The following KDM1A variants were observed in gnomAD, a reference collection of about 807,000 sequenced individuals.
KDM1A encodes lysine demethylase 1A.
Under a neutral mutation model 109.4 loss-of-function variants are expected in KDM1A, and 49 were observed. The observed-to-expected ratio is 0.45, with a 90% CI of 0.36 to 0.57. KDM1A has a LOEUF of 0.57. Ranked by LOEUF, KDM1A falls within the 20% of genes least tolerant of loss-of-function variation. The probability of loss-of-function intolerance (pLI) is 0.00; values close to 1 mark genes in which losing one functional copy is unlikely to be tolerated. For synonymous variants in KDM1A, 380 were observed against 415.4 expected (o/e 0.91, Z 1.04); for missense variants, 668 against 1,116.6 (o/e 0.60, Z 5.73).
chr1:23,053,847 G>A lies in KDM1A; in HGVS notation c.790+8G>A, dbSNP rs748454085. 3 of 1,502,184 alleles carry A rather than the reference G, an allele frequency of 2.0e-6. No individual in the cohort carries two copies. The South Asian group carries it at 3.4e-5, about 17-fold the overall frequency. 93.1% of individuals were successfully genotyped at this position (1,502,184 alleles called of 1,614,324 possible). A position where few individuals can be genotyped will look rare whatever the true frequency, so the allele number is the denominator to read the frequency against. ...TAGAAGCACCTTATAACAGTAAGTA[G>A]TGTGTTCAATAGGACTAATTTGTAC... On this transcript the variant is annotated splice_region_variant and intron_variant, in intron 5 of 20. Transcript: ENST00000400181.
chr1:23,073,205 C>CA (rs1346529171), intron 14 of KDM1A, 87 bp from the exon 15 acceptor site: 2 of 725,424 alleles, frequency 2.8e-6, no homozygotes, highest in Middle Eastern at 5.5e-4. Flanking sequence ...GGCTTAGGTT[C>CA]TGACACAGTT....
At chr1:23,078,106 C>T (rs2124541384) in intron 16 of KDM1A, among the ~76,000 whole-genome samples, 1 of 152,330 alleles carries the variant, frequency 6.6e-6, no homozygotes, top group Middle Eastern at 3.4e-3. Context: ...AGCCATCAAT[C>T]TTACCCTGCG....
rs181728260 is a variant in KDM1A, at chr1:23,036,546, G to A, written c.517+5912G>A. On this transcript the variant is annotated intron_variant, in intron 2 of 20. Coordinates refer to ENST00000400181, the MANE Select transcript of KDM1A (RefSeq NM_001009999.3). ...CCAAAATACCTTACTGGAGGGCTGAGGGAAGAAAGTGACAAGCTGAAAAGG... is the reference window on the plus strand; with the variant it reads ...CCAAAATACCTTACTGGAGGGCTGAAGGAAGAAAGTGACAAGCTGAAAAGG... Among the ~76,000 whole-genome samples, 340 of 150,904 alleles carry A rather than the reference G, an allele frequency of 2.3e-3. 2 individuals carry two copies. Among genetic ancestry groups the A allele is most frequent in the African/African-American group, 7.9e-3 (324 of 40,990 alleles).
In KDM1A at chr1:23,079,143, C is replaced by T. The variant is rs1204508951; in HGVS notation, c.2021C>T (p.Ala674Val). The T allele has an allele frequency of 6.2e-7, 1 of 1,614,168 alleles. No homozygotes were observed. The highest frequency in any genetic ancestry group is 1.1e-5 in the South Asian group (1 of 91,074). The change falls in exon 17 of 21, where the codon GCA becomes GTA. Residue 674 changes from alanine to valine, a missense_variant. Physicochemically the swap from Ala to Val is moderately conservative, Grantham distance 64. Coordinates refer to ENST00000400181, the MANE Select transcript of KDM1A (RefSeq NM_001009999.3). The surrounding 1 kb of genome is among the most constrained non-coding windows in gnomAD (Gnocchi z 5.6). ...CCTCTCCCTGAGTGGAAAACATCTG[C>T]AGTCCAAAGGATGGGATTTGGCAAC... ...VPPLPEWKTS[A>V]VQRMGFGNLN...
At chr1:23,042,186 T>G (rs1241175353) in intron 2 of KDM1A, among the ~76,000 whole-genome samples, 1 of 152,130 alleles carries the variant, frequency 6.6e-6, no homozygotes, top group East Asian at 1.9e-4. Context: ...ATCTAAGTTT[T>G]TAGTGGTGAG....
chr1:23,035,846 A>G (rs992990314), intron 2 of KDM1A, among the ~76,000 whole-genome samples: 7 of 152,238 alleles, frequency 4.6e-5, no homozygotes, highest in South Asian at 2.1e-4. Flanking sequence ...AGAGTATTCT[A>G]TAGAACTTGG....
chr1:23,045,115 A>C (rs587168), intron 3 of KDM1A, among the ~76,000 whole-genome samples: 115,884 of 152,112 alleles, frequency 0.76, 44,814 homozygotes, highest in Non-Finnish European at 0.83. Context: ...TAAAGAATTT[A>C]TAGGGGCCAC....
chr1:23,048,446 A>G (rs968883210), intron 3 of KDM1A, among the ~76,000 whole-genome samples: 2 of 151,940 alleles, frequency 1.3e-5, no homozygotes, highest in Non-Finnish European at 2.9e-5. Context: ...TTTTTTACCC[A>G]AGGAATAAAT....
chr1:23,067,544 A>C (rs147796691), intron 10 of KDM1A, among the ~76,000 whole-genome samples: 22 of 152,330 alleles, frequency 1.4e-4, no homozygotes, highest in African/African-American at 5.1e-4. Flanking sequence ...CCTGAGTCTT[A>C]GTGTTTACTA....
At chr1:23,036,332 G>T (rs1174207233) in intron 2 of KDM1A, among the ~76,000 whole-genome samples, 1 of 152,030 alleles carries the variant, frequency 6.6e-6, no homozygotes, top group Non-Finnish European at 1.5e-5. Flanking sequence ...TGTCTGTGTT[G>T]TCATTTTGAC....
intron 2 of KDM1A, among the ~76,000 whole-genome samples, chr1:23,035,148 G>C (rs879267522): frequency 6.6e-6 from 1 of 152,148 alleles, no homozygotes; most frequent in African/African-American, 2.4e-5. Flanking sequence ...TCTATTATAT[G>C]TGGTAATTTT....
chr1:23,025,082 A>G (rs1419039456), intron 1 of KDM1A, among the ~76,000 whole-genome samples: 10 of 152,230 alleles, frequency 6.6e-5, no homozygotes, highest in Non-Finnish European at 1.0e-4. Flanking sequence ...TGAGCATTAG[A>G]TTCTTGCTGT....
intron 10 of KDM1A, 86 bp downstream of exon 10, chr1:23,066,157 A>G: frequency 1.1e-6 from 1 of 908,390 alleles, no homozygotes; most frequent in Non-Finnish European, 1.8e-6. Flanking sequence ...TTTTCCTTTC[A>G]AAGATCCTCT....
Position 23,021,653 on chromosome 1 carries a change from G to A in KDM1A, c.351+1706G>A, listed in dbSNP as rs563515000. Among the ~76,000 whole-genome samples, 9 of 152,258 alleles carry A rather than the reference G, an allele frequency of 5.9e-5. No homozygotes were observed. In the East Asian group the frequency reaches 7.7e-4, roughly 13 times the overall value. ...GCACTTCAGCCTGGGCAACAAGAGC[G>A]AAACTGTCTAAAAGCAAACAAAAAA... On this transcript the variant is annotated intron_variant, in intron 1 of 20. Transcript: ENST00000400181.
At position 23,060,297 on chromosome 1, in the gene KDM1A, A is replaced by G. The variant is rs557858124; in HGVS notation, c.1167+1130A>G. Among the ~76,000 whole-genome samples, 5 of 152,298 alleles carry G rather than the reference A, an allele frequency of 3.3e-5. No homozygotes were observed. The South Asian group carries it at 6.2e-4, about 19-fold the overall frequency. Reference sequence around the variant, plus strand: ...GTAGAGAAATAATTCTTTTTTCCCAACTTTTTATTATGGAAATTTAAAAAC... The same window carrying G: ...GTAGAGAAATAATTCTTTTTTCCCAGCTTTTTATTATGGAAATTTAAAAAC... On this transcript the variant is annotated intron_variant, in intron 9 of 20. Transcript: ENST00000400181.
chr1:23,054,080 C>G (rs1642752244), intron 5 of KDM1A, among the ~76,000 whole-genome samples: 1 of 152,114 alleles, frequency 6.6e-6, no homozygotes, highest in East Asian at 1.9e-4. Context: ...CTTCCTAGAC[C>G]TGTTGTCCAG....
Position 23,063,206 on chromosome 1 carries a change from GTGT to G in KDM1A, c.1168-2853_1168-2851del, listed in dbSNP as rs1278174831. 2.5e-3 allele frequency among the ~76,000 whole-genome samples: 159 copies of G among 64,254 alleles called. 1 individual carries two copies. Among genetic ancestry groups the G allele is most frequent in the Non-Finnish European group, 3.7e-3 (107 of 28,576 alleles). The allele number at this position is 64,254 out of a possible 152,430, so 42.2% of individuals were successfully genotyped here. A position where few individuals can be genotyped will look rare whatever the true frequency, so the allele number is the denominator to read the frequency against. ...ACAGTGCTGTAGCATTGGGGGGGGGGTGTGGTGTGGGGTGGGTGTGTGTGGGTG... is the reference window on the plus strand; with the variant it reads ...ACAGTGCTGTAGCATTGGGGGGGGGGGGTGTGGGGTGGGTGTGTGTGGGTG... On this transcript the variant is annotated intron_variant, in intron 9 of 20. Coordinates refer to ENST00000400181, the MANE Select transcript of KDM1A (RefSeq NM_001009999.3).
At position 23,019,965 on chromosome 1, in the gene KDM1A, C is replaced by T. The variant is rs991598718; in HGVS notation, c.351+18C>T. On this transcript the variant is annotated intron_variant, in intron 1 of 20. Coordinates refer to ENST00000400181, the MANE Select transcript of KDM1A (RefSeq NM_001009999.3). ...GGGCGAAGGTAAGGCTCGACCCTTC[C>T]CTCAAACGACACCGCCTGGTGCCGA... 6 of 1,504,252 alleles carry T rather than the reference C, an allele frequency of 4.0e-6. No homozygotes were observed. The highest frequency in any genetic ancestry group is 3.5e-4 in the Middle Eastern group (2 of 5,730). The allele number at this position is 1,504,252 out of a possible 1,614,324, so 93.2% of individuals were successfully genotyped here. A position where few individuals can be genotyped will look rare whatever the true frequency, so the allele number is the denominator to read the frequency against.
chr1:23,031,577 C>CT (rs139320245), intron 2 of KDM1A, among the ~76,000 whole-genome samples: 10,809 of 147,410 alleles, frequency 0.073, 681 homozygotes, highest in African/African-American at 0.18. Context: ...TTGTTTTAGC[C>CT]TTTTTTTTTT....
Sources: gnomAD v4.1 joint callset for allele counts (sites outside exome capture counted in the v4.1 genomes callset) on GRCh38, gnomAD v4.1.1 for gene constraint, Gnocchi (gnomAD v3.1) non-coding constraint, MANE v1.5 for transcripts, NCBI Gene and HGNC (gene_info 2026-07-23, HGNC 2026-07-21) for gene names.